PPP1R21: variants seen among roughly 807,000 people sequenced by gnomAD.
PPP1R21 encodes KLRAQ motif containing 1.
Under a neutral mutation model 112.8 loss-of-function variants are expected in PPP1R21, and 85 were observed. The ratio of observed to expected loss-of-function variants is 0.75; its 90% CI spans 0.63 to 0.90. PPP1R21 has a LOEUF of 0.90. Among genes scored for constraint, PPP1R21 ranks in the 40% least tolerant of loss-of-function variants. The probability of loss-of-function intolerance (pLI) is 0.00; values close to 1 mark genes in which losing one functional copy is unlikely to be tolerated. For missense variants in PPP1R21, 1,199 were observed against 901.5 expected (o/e 1.33, Z -4.23); for synonymous variants, 381 against 322.3 (o/e 1.18, Z -1.95).
intron 12 of PPP1R21, among the ~76,000 whole-genome samples, chr2:48,477,662 T>G (rs1040186177): frequency 6.9e-6 from 1 of 144,786 alleles, no homozygotes; most frequent in Non-Finnish European, 1.5e-5. Flanking sequence ...GCGTGAGCCC[T>G]CCTACTTTTT....
chr2:48,467,041 G>A (rs902543723), intron 9 of PPP1R21, among the ~76,000 whole-genome samples: 1 of 152,120 alleles, frequency 6.6e-6, no homozygotes, highest in Non-Finnish European at 1.5e-5. Context: ...CTCCCTGATT[G>A]TACTCACAGT....
At chr2:48,504,538 G>A (rs952585272) in intron 17 of PPP1R21, among the ~76,000 whole-genome samples, 2 of 152,178 alleles carry the variant, frequency 1.3e-5, no homozygotes, top group African/African-American at 4.8e-5. Context: ...CTACTCGGGA[G>A]GCTGAGGCGG....
intron 21 of PPP1R21, 136 bp from the exon 22 acceptor site, chr2:48,514,579 G>C: frequency 1.4e-6 from 1 of 701,318 alleles, no homozygotes. Context: ...AACAATGCAA[G>C]GTTATCAGCT....
intron 6 of PPP1R21, among the ~76,000 whole-genome samples, chr2:48,460,890 G>A (rs549937145): frequency 1.4e-4 from 21 of 152,316 alleles, no homozygotes; most frequent in Admixed American, 1.2e-3. Context: ...ATGTAAGGTT[G>A]GCTAAGACAC....
At chr2:48,469,525 T>TAGAGAGAGAGC (rs1558457862) in intron 9 of PPP1R21, among the ~76,000 whole-genome samples, 2 of 71,736 alleles carry the variant, frequency 2.8e-5, no homozygotes, top group South Asian at 5.2e-4. Flanking sequence ...TATATATATA[T>TAGAGAGAGAGC]ATATATATAT....
chr2:48,445,074 A>G (rs1667190267), intron 1 of PPP1R21, among the ~76,000 whole-genome samples: 1 of 151,288 alleles, frequency 6.6e-6, no homozygotes, highest in Non-Finnish European at 1.5e-5. Context: ...TACCTGATTT[A>G]TCACCTACTT....
intron 7 of PPP1R21, among the ~76,000 whole-genome samples, chr2:48,463,923 G>A (rs1409197612): frequency 6.6e-6 from 1 of 152,084 alleles, no homozygotes; most frequent in African/African-American, 2.4e-5. Context: ...GGAGAGGAGA[G>A]GAGGAATGGT....
At chr2:48,447,686 T>C (rs1049278797) in intron 1 of PPP1R21, among the ~76,000 whole-genome samples, 1 of 152,182 alleles carries the variant, frequency 6.6e-6, no homozygotes, top group Non-Finnish European at 1.5e-5. Flanking sequence ...TGGTGACTCA[T>C]GACTGTAATC....
chr2:48,442,784 G>A (rs1424370911), intron 1 of PPP1R21, among the ~76,000 whole-genome samples: 1 of 152,110 alleles, frequency 6.6e-6, no homozygotes, highest in African/African-American at 2.4e-5. Context: ...GCTTTCACAT[G>A]GCAGAGAGTG....
chr2:48,498,745 T>C lies in PPP1R21; in HGVS notation c.1935+10T>C. On this transcript the variant is annotated intron_variant, in intron 17 of 21. Transcript: ENST00000294952. The stretch of plus-strand genomic sequence containing the variant: ...TCAGAGCACCAGTCTAGTAAGTGTC[T>C]TCTTGGTTGTCCTCAGTTTTCTTTT... 6.2e-7 allele frequency: 1 copy of C among 1,611,122 alleles called. No homozygotes were observed. Among genetic ancestry groups the C allele is most frequent in the Non-Finnish European group, 8.5e-7 (1 of 1,177,960 alleles).
At chr2:48,479,429 C>T (rs1353340210) in intron 12 of PPP1R21, 2 of 469,778 alleles carry the variant, frequency 4.3e-6, no homozygotes, top group African/African-American at 4.0e-5. Context: ...CTGTGTTGCC[C>T]TTAGAACCGT....
intron 13 of PPP1R21, among the ~76,000 whole-genome samples, chr2:48,483,325 G>A (rs1669120347): frequency 6.7e-6 from 1 of 150,100 alleles, no homozygotes; most frequent in South Asian, 2.1e-4. Flanking sequence ...GGGACTACAG[G>A]TGTGCGTCAC....
intron 19 of PPP1R21, among the ~76,000 whole-genome samples, chr2:48,507,749 CTTTTTTTTTTTTTTTTTTTT>C (rs34546075): frequency 4.7e-5 from 2 of 42,388 alleles, no homozygotes; most frequent in Non-Finnish European, 7.7e-5. Flanking sequence ...GAGGCTCTGC[CTTTTTTTTTTTTTTTTTTTT>C]TTTTTTTTTT....
At chr2:48,472,239 CAAAAAAA>C (rs57711610) in intron 11 of PPP1R21, among the ~76,000 whole-genome samples, 2 of 43,014 alleles carry the variant, frequency 4.6e-5, no homozygotes, top group Admixed American at 4.7e-4. Flanking sequence ...GACTCCATCT[CAAAAAAA>C]AAAAAAAAAA....
chr2:48,512,595 G>A (rs1170819790), intron 21 of PPP1R21, among the ~76,000 whole-genome samples: 1 of 152,116 alleles, frequency 6.6e-6, no homozygotes, highest in Non-Finnish European at 1.5e-5. Flanking sequence ...TTCATTTAGG[G>A]TCTTCTTGGA....
chr2:48,509,904 GA>G, intron 19 of PPP1R21, 110 bp from the exon 20 acceptor site: 1 of 636,846 alleles, frequency 1.6e-6, no homozygotes, highest in Non-Finnish European at 2.7e-6. Flanking sequence ...ATTATTTGTG[GA>G]ATGAATGAGT....
chr2:48,486,171 A>G (rs1189869103), intron 13 of PPP1R21, among the ~76,000 whole-genome samples: 1 of 152,092 alleles, frequency 6.6e-6, no homozygotes, highest in Non-Finnish European at 1.5e-5. Flanking sequence ...TAGGGTGTGC[A>G]CTAGGAAACT....
chr2:48,469,242 C>A (rs1307653182), intron 9 of PPP1R21, among the ~76,000 whole-genome samples: 1 of 137,108 alleles, frequency 7.3e-6, no homozygotes, highest in African/African-American at 2.8e-5. Context: ...CACAGCCAAA[C>A]CATATCAATA....
chr2:48,443,811 A>C (rs758833785), intron 1 of PPP1R21, among the ~76,000 whole-genome samples: 2 of 152,114 alleles, frequency 1.3e-5, no homozygotes, highest in African/African-American at 2.4e-5. Flanking sequence ...CCCTGGTACA[A>C]GTTTCGTGGG....
Sources: allele counts gnomAD v4.1 joint callset (sites outside exome capture counted in the v4.1 genomes callset), GRCh38; gene constraint gnomAD v4.1.1; transcripts MANE v1.5; gene names NCBI Gene and HGNC (gene_info 2026-07-23, HGNC 2026-07-21).